CCDC85A: variants seen among roughly 807,000 people sequenced by gnomAD.
CCDC85A encodes the protein coiled-coil domain containing 85A.
A neutral mutation model predicts 50.2 loss-of-function variants in CCDC85A; 38 were observed. The observed-to-expected ratio is 0.76, with a 90% CI of 0.58 to 0.99. The LOEUF is 0.99. CCDC85A is among the 50% of genes least tolerant of loss of function. CCDC85A has a pLI of 0.00. For missense variants in CCDC85A, 820 were observed against 742.0 expected, an observed-to-expected ratio of 1.11 and a Z score of -1.22; for synonymous variants, 366 against 301.4, an observed-to-expected ratio of 1.21 and a Z score of -2.22.
At chr2:56,256,640 C>G (rs947098563) in intron 2 of CCDC85A, among the ~76,000 whole-genome samples, 2 of 152,188 alleles carry the variant, frequency 1.3e-5, no homozygotes, top group African/African-American at 4.8e-5. Context: ...CCCTTTTTAT[C>G]CTCATTTAGG....
At chr2:56,233,859 C>T (rs1467415008) in intron 2 of CCDC85A, among the ~76,000 whole-genome samples, 4 of 152,028 alleles carry the variant, frequency 2.6e-5, no homozygotes, top group Admixed American at 2.6e-4. Context: ...GAATTGATTC[C>T]ATTTTGTTGA....
intron 2 of CCDC85A, among the ~76,000 whole-genome samples, chr2:56,340,545 G>A (rs184796106): frequency 3.3e-5 from 5 of 152,228 alleles, no homozygotes; most frequent in Non-Finnish European, 5.9e-5. Context: ...AGAAGAAGCC[G>A]AGGCAAGTTT....
At chr2:56,323,708 C>A (rs986335153) in intron 2 of CCDC85A, among the ~76,000 whole-genome samples, 1 of 152,076 alleles carries the variant, frequency 6.6e-6, no homozygotes, top group Non-Finnish European at 1.5e-5. Context: ...TTGACTGTTA[C>A]TAGAACAGGA....
intron 2 of CCDC85A, among the ~76,000 whole-genome samples, chr2:56,332,584 C>T (rs930117895): frequency 2.6e-5 from 4 of 152,050 alleles, no homozygotes; most frequent in African/African-American, 9.7e-5. Context: ...ACACTCAGGC[C>T]ATAGCACTCC....
At chr2:56,242,510 G>C (rs1456696685) in intron 2 of CCDC85A, among the ~76,000 whole-genome samples, 1 of 152,090 alleles carries the variant, frequency 6.6e-6, no homozygotes, top group Admixed American at 6.5e-5. Context: ...CAGATCTCAT[G>C]TGAAATCAGA....
chr2:56,193,325 AGGAGGCAGT>A lies in CCDC85A; in HGVS notation c.1131_1139del (p.Ser384_Gly386del). On this transcript the variant is annotated inframe_deletion, in exon 2 of 6. Coordinates refer to ENST00000407595, the MANE Select transcript of CCDC85A (RefSeq NM_001080433.2). ...GAGGGAGCCCTGATCACAAACACGG[AGGAGGCAGT>A]GGAGGAAGTGGAGGCAGCGGCGGAG... is the stretch of plus-strand genomic sequence containing the variant. 6.2e-7 allele frequency: 1 copy of A among 1,613,142 alleles called. No individual in the cohort carries two copies. Among genetic ancestry groups the A allele is most frequent in the Non-Finnish European group, 8.5e-7 (1 of 1,179,498 alleles).
chr2:56,239,788 G>GA (rs961536170), intron 2 of CCDC85A, among the ~76,000 whole-genome samples: 67 of 152,254 alleles, frequency 4.4e-4, no homozygotes, highest in African/African-American at 1.3e-3. Flanking sequence ...GCAGTTACTG[G>GA]AGAGATGATG....
At chr2:56,278,445 C>T (rs890890965) in intron 2 of CCDC85A, among the ~76,000 whole-genome samples, 5 of 152,094 alleles carry the variant, frequency 3.3e-5, no homozygotes, top group Non-Finnish European at 7.4e-5. Flanking sequence ...ATAGCAAAGT[C>T]CAATTCTGTC....
rs1005472669 is a variant in CCDC85A at position 56,192,287 on chromosome 2, T to C, written c.277-190T>C. On this transcript the variant is annotated intron_variant, in intron 1 of 5. Transcript: ENST00000407595. This position sits in a 1 kb window ranked among gnomAD's most constrained non-coding sequence, Gnocchi z 4.7. ...ATGCAAGTAAAGTATTGTGCAGGGA[T>C]AGAACTGATACTTAAGTTAGTTTAA... 6.6e-6 allele frequency among the ~76,000 whole-genome samples: 1 copy of C among 152,136 alleles called. No individual in the cohort carries two copies. The highest frequency in any genetic ancestry group is 6.5e-5 in the Admixed American group (1 of 15,280).
At chr2:56,237,816 G>A (rs1237812260) in intron 2 of CCDC85A, among the ~76,000 whole-genome samples, 1 of 151,022 alleles carries the variant, frequency 6.6e-6, no homozygotes, top group Non-Finnish European at 1.5e-5. Context: ...CATTTCTTTT[G>A]TCAATGAAGA....
intron 1 of CCDC85A, among the ~76,000 whole-genome samples, chr2:56,185,305 G>T (rs73940609): frequency 0.035 from 5,294 of 152,320 alleles, 294 homozygotes; most frequent in African/African-American, 0.12. Context: ...CGGGAATGCG[G>T]CTGCTCTGGG....
chr2:56,364,493 T>A (rs1371886378), intron 3 of CCDC85A, among the ~76,000 whole-genome samples: 1 of 152,208 alleles, frequency 6.6e-6, no homozygotes, highest in African/African-American at 2.4e-5. Context: ...TCATTTTAAA[T>A]TTAAATGTTT....
chr2:56,199,794 G>C (rs1471517723), intron 2 of CCDC85A, among the ~76,000 whole-genome samples: 1 of 152,226 alleles, frequency 6.6e-6, no homozygotes. Context: ...GTCCTTCTAA[G>C]AGTAAACTGC....
At chr2:56,347,677 A>G (rs1674696346) in intron 3 of CCDC85A, among the ~76,000 whole-genome samples, 1 of 152,184 alleles carries the variant, frequency 6.6e-6, no homozygotes, top group African/African-American at 2.4e-5. Context: ...GCTTAACAGA[A>G]TGTGGTAAGA....
At chr2:56,253,582 G>A (rs2103999445) in intron 2 of CCDC85A, among the ~76,000 whole-genome samples, 1 of 152,278 alleles carries the variant, frequency 6.6e-6, no homozygotes, top group South Asian at 2.1e-4. Flanking sequence ...AGAGGAGAAT[G>A]GATTGAATAG....
chr2:56,337,481 C>T (rs2104308360), intron 2 of CCDC85A, among the ~76,000 whole-genome samples: 1 of 152,260 alleles, frequency 6.6e-6, no homozygotes, highest in Non-Finnish European at 1.5e-5. Flanking sequence ...GGCCTCTCCT[C>T]CTGTACCTGC....
At chr2:56,346,827 A>T (rs1206085321) in intron 3 of CCDC85A, among the ~76,000 whole-genome samples, 1 of 152,242 alleles carries the variant, frequency 6.6e-6, no homozygotes, top group African/African-American at 2.4e-5. Flanking sequence ...AAAGAATTGC[A>T]TATAATCTCT....
chr2:56,210,876 G>A (rs1162705958), intron 2 of CCDC85A, among the ~76,000 whole-genome samples: 1 of 152,032 alleles, frequency 6.6e-6, no homozygotes, highest in Admixed American at 6.6e-5. Context: ...GGTTGAAGTA[G>A]TCATAAGCCG....
intron 2 of CCDC85A, among the ~76,000 whole-genome samples, chr2:56,259,384 C>T (rs150627337): frequency 2.0e-4 from 31 of 152,264 alleles, no homozygotes; most frequent in African/African-American, 4.8e-4. Context: ...CTGGCTTCCC[C>T]GGCACCATAT....
Sources: allele counts gnomAD v4.1 joint callset (sites outside exome capture counted in the v4.1 genomes callset), GRCh38; gene constraint gnomAD v4.1.1; non-coding constraint Gnocchi (gnomAD v3.1); transcripts MANE v1.5; gene names NCBI Gene and HGNC (gene_info 2026-07-23, HGNC 2026-07-21).